MTUS1: variants seen among roughly 807,000 people sequenced by gnomAD.
MTUS1 encodes microtubule associated scaffold protein 1, also known as microtubule-associated tumor suppressor 1.
Under a neutral mutation model 120.8 loss-of-function variants are expected in MTUS1, and 109 were observed. That is an observed-to-expected ratio of 0.90 (90% CI 0.77 to 1.06). MTUS1 has a LOEUF of 1.06. Among genes scored for constraint, MTUS1 ranks in the 50% least tolerant of loss-of-function variants. The pLI, the probability that MTUS1 is intolerant of heterozygous loss-of-function variation, is 0.00. For missense variants in MTUS1, 2,210 were observed against 1,486.3 expected, an observed-to-expected ratio of 1.49 and a Z score of -8.01; for synonymous variants, 737 against 550.5, an observed-to-expected ratio of 1.34 and a Z score of -4.74.
intron 1 of MTUS1, among the ~76,000 whole-genome samples, chr8:17,776,951 T>A (rs981237449): frequency 2.0e-5 from 3 of 152,152 alleles, no homozygotes; most frequent in African/African-American, 4.8e-5. Context: ...CTGTAAGACT[T>A]GATTTCATGA....
intron 6 of MTUS1, chr8:17,697,715 G>C: frequency 1.0e-6 from 1 of 1,002,550 alleles, no homozygotes; most frequent in African/African-American, 1.7e-5. Flanking sequence ...GATGGTAAAG[G>C]GGAGGAGAAA....
intron 3 of MTUS1, among the ~76,000 whole-genome samples, chr8:17,729,683 A>C (rs2046431131): frequency 6.6e-6 from 1 of 152,250 alleles, no homozygotes; most frequent in South Asian, 2.1e-4. Flanking sequence ...ATCTGAACCT[A>C]CATGTGATTG....
intron 2 of MTUS1, among the ~76,000 whole-genome samples, chr8:17,752,285 A>T (rs897690869): frequency 1.3e-5 from 2 of 152,270 alleles, no homozygotes; most frequent in Admixed American, 1.3e-4. Context: ...AGTCTCCCAT[A>T]AATCAAGAGA....
chr8:17,743,921 C>A, intron 2 of MTUS1, 122 bp from the exon 3 acceptor site: 1 of 772,804 alleles, frequency 1.3e-6, no homozygotes, highest in Non-Finnish European at 2.1e-6. Flanking sequence ...AAGTTCAGGC[C>A]ATGATGGCAA....
At chr8:17,659,855 G>C (rs925686794) in intron 8 of MTUS1, among the ~76,000 whole-genome samples, 1 of 152,016 alleles carries the variant, frequency 6.6e-6, no homozygotes, top group African/African-American at 2.4e-5. Flanking sequence ...CTGAAACTTC[G>C]TACCAATTAA....
At chr8:17,783,752 CAACT>C (rs1174930166) in intron 1 of MTUS1, among the ~76,000 whole-genome samples, 1 of 152,080 alleles carries the variant, frequency 6.6e-6, no homozygotes, top group Non-Finnish European at 1.5e-5. Context: ...AGACAGACAC[CAACT>C]AAGTACCCCC....
At chr8:17,775,030 T>A (rs866103752) in intron 1 of MTUS1, among the ~76,000 whole-genome samples, 1,568 of 125,224 alleles carry the variant, frequency 0.013, 28 homozygotes, top group African/African-American at 0.044. Context: ...TCCACTTACA[T>A]AAAGCACCTG....
At chr8:17,682,214 G>A (rs1221726590) in intron 7 of MTUS1, among the ~76,000 whole-genome samples, 1 of 152,044 alleles carries the variant, frequency 6.6e-6, no homozygotes, top group African/African-American at 2.4e-5. Flanking sequence ...CTAATGATTG[G>A]TTAAAAAGGT....
At chr8:17,669,637 G>C (rs2130568047) in intron 8 of MTUS1, among the ~76,000 whole-genome samples, 1 of 152,248 alleles carries the variant, frequency 6.6e-6, no homozygotes, top group Non-Finnish European at 1.5e-5. Context: ...CCTGAGGTCA[G>C]GAGTTCGAGA....
chr8:17,731,293 C>T (rs2131175916), intron 3 of MTUS1, among the ~76,000 whole-genome samples: 1 of 152,304 alleles, frequency 6.6e-6, no homozygotes, highest in Non-Finnish European at 1.5e-5. Flanking sequence ...GGCGCCACCT[C>T]ACACTGCCTA....
At chr8:17,653,663 G>C in intron 10 of MTUS1, 165 bp from the exon 11 acceptor site, 1 of 574,084 alleles carries the variant, frequency 1.7e-6, no homozygotes, top group Non-Finnish European at 3.0e-6. Flanking sequence ...TCTCAAAATG[G>C]CCTTGAGAGG....
intron 3 of MTUS1, among the ~76,000 whole-genome samples, chr8:17,739,924 A>G (rs188424715): frequency 1.3e-5 from 2 of 152,316 alleles, no homozygotes; most frequent in East Asian, 3.9e-4. Context: ...CTCATATAAT[A>G]TATTTCCACA....
At chr8:17,679,446 G>A (rs907427402) in intron 7 of MTUS1, among the ~76,000 whole-genome samples, 2 of 151,266 alleles carry the variant, frequency 1.3e-5, no homozygotes, top group African/African-American at 2.4e-5. Flanking sequence ...TTTTAAAATT[G>A]TTTAACTTTA....
chr8:17,702,910 T>G (rs7818959), intron 6 of MTUS1, among the ~76,000 whole-genome samples: 6,523 of 152,302 alleles, frequency 0.043, 163 homozygotes, highest in Middle Eastern at 0.065. Flanking sequence ...CATGGACATT[T>G]ATCACTTCTC....
intron 1 of MTUS1, among the ~76,000 whole-genome samples, chr8:17,757,270 A>C (rs62499721): frequency 0.14 from 20,811 of 152,178 alleles, 1,532 homozygotes; most frequent in Admixed American, 0.19. Flanking sequence ...ATTACACTTG[A>C]AATATTATAT....
At chr8:17,778,704 G>A (rs2050644146) in intron 1 of MTUS1, among the ~76,000 whole-genome samples, 1 of 152,166 alleles carries the variant, frequency 6.6e-6, no homozygotes, top group African/African-American at 2.4e-5. Flanking sequence ...AGCTACTTGG[G>A]AGGCTGAAGT....
intron 4 of MTUS1, among the ~76,000 whole-genome samples, chr8:17,720,111 G>C (rs1224217007): frequency 6.6e-6 from 1 of 152,152 alleles, no homozygotes; most frequent in African/African-American, 2.4e-5. Context: ...CTGGGAGGCA[G>C]ACGCAGGCAT....
intron 2 of MTUS1, among the ~76,000 whole-genome samples, chr8:17,751,188 T>G (rs200989003): frequency 6.6e-6 from 1 of 152,264 alleles, no homozygotes; most frequent in East Asian, 1.9e-4. Context: ...CATGTGCACC[T>G]GTAGTCCCAG....
chr8:17,760,200 G>T (rs1447925215), intron 1 of MTUS1, among the ~76,000 whole-genome samples: 1 of 151,326 alleles, frequency 6.6e-6, no homozygotes, highest in Non-Finnish European at 1.5e-5. Flanking sequence ...TGGGTGACAG[G>T]GACCCTATCA....
Sources: allele counts gnomAD v4.1 joint callset (sites outside exome capture counted in the v4.1 genomes callset), GRCh38; gene constraint gnomAD v4.1.1; transcripts MANE v1.5; gene names NCBI Gene and HGNC (gene_info 2026-07-23, HGNC 2026-07-21).